The following PAPSS2 variants were observed in gnomAD, a reference collection of about 807,000 sequenced individuals.
PAPSS2 encodes the protein bifunctional 3'-phosphoadenosine 5'-phosphosulfate synthase 2.
A neutral mutation model predicts 66.5 loss-of-function variants in PAPSS2; 61 were observed. That is an observed-to-expected ratio of 0.92 (90% confidence interval 0.75 to 1.14). PAPSS2 has a LOEUF of 1.14. Ranked by LOEUF, PAPSS2 falls within the 50% of genes most tolerant of loss-of-function variation. The probability of loss-of-function intolerance (pLI) is 0.00; values close to 1 mark genes in which losing one functional copy is unlikely to be tolerated. For missense variants in PAPSS2, 708 were observed against 789.6 expected (o/e 0.90, Z 1.24); for synonymous variants, 289 against 287.5 (o/e 1.01, Z -0.05).
Position 87,706,106 on chromosome 10 carries a change from A to ATG in PAPSS2, c.28-3089_28-3088insGT, listed in dbSNP as rs1223497557. Among the ~76,000 whole-genome samples the ATG allele has an allele frequency of 1.2e-3, 103 of 85,272 alleles. 3 individuals carry two copies. In the Middle Eastern group the frequency reaches 0.021, roughly 17 times the overall value. 55.9% of individuals were successfully genotyped at this position (85,272 alleles called of 152,430 possible). ...ATGGTATATATATATATATATATAT[A>ATG]TATGTGTGTGTGTGTGTGTGTGTGT... On this transcript the variant is annotated intron_variant, in intron 1 of 12. Transcript: ENST00000456849.
intron 1 of PAPSS2, among the ~76,000 whole-genome samples, chr10:87,679,348 T>C (rs1316746285): frequency 6.6e-6 from 1 of 152,154 alleles, no homozygotes; most frequent in Non-Finnish European, 1.5e-5. Flanking sequence ...AAAGTTATAA[T>C]AAGTTCTATC....
At chr10:87,716,418 G>T (rs758787520) in intron 7 of PAPSS2, among the ~76,000 whole-genome samples, 3 of 152,176 alleles carry the variant, frequency 2.0e-5, no homozygotes, top group Non-Finnish European at 2.9e-5. Flanking sequence ...AAACCAATCT[G>T]GTCAAGCTCA....
chr10:87,717,612 G>C (rs1853547089), intron 7 of PAPSS2, among the ~76,000 whole-genome samples: 2 of 152,108 alleles, frequency 1.3e-5, no homozygotes, highest in Non-Finnish European at 2.9e-5. Flanking sequence ...ACCCAGGCTA[G>C]AGTGCAGTGG....
intron 8 of PAPSS2, among the ~76,000 whole-genome samples, chr10:87,722,008 A>T (rs959157151): frequency 1.3e-5 from 2 of 152,234 alleles, no homozygotes; most frequent in African/African-American, 2.4e-5. Context: ...CATTTGGCTG[A>T]CAAAAGTAAA....
chr10:87,702,985 C>G (rs998208712), intron 1 of PAPSS2, among the ~76,000 whole-genome samples: 14 of 152,124 alleles, frequency 9.2e-5, no homozygotes, highest in Non-Finnish European at 1.5e-4. Flanking sequence ...CACCTGAGTT[C>G]TAGGAGCCAC....
chr10:87,689,351 A>C (rs887591364), intron 1 of PAPSS2, among the ~76,000 whole-genome samples: 3 of 151,086 alleles, frequency 2.0e-5, no homozygotes, highest in East Asian at 1.9e-4. Context: ...AAAAAAAAAA[A>C]AAAACAAAAA....
At chr10:87,681,623 G>C (rs957631310) in intron 1 of PAPSS2, among the ~76,000 whole-genome samples, 9 of 152,128 alleles carry the variant, frequency 5.9e-5, no homozygotes, top group Admixed American at 3.9e-4. Context: ...TTACAGAGTT[G>C]TACAACCATG....
intron 8 of PAPSS2, among the ~76,000 whole-genome samples, chr10:87,724,219 A>T (rs961432960): frequency 1.3e-5 from 2 of 152,054 alleles, no homozygotes; most frequent in African/African-American, 2.4e-5. Context: ...AACCAACTAC[A>T]CATTAACTAT....
intron 1 of PAPSS2, among the ~76,000 whole-genome samples, chr10:87,687,854 A>G (rs7082797): frequency 0.17 from 25,734 of 152,088 alleles, 2,213 homozygotes; most frequent in East Asian, 0.22. Context: ...ATCAAGAGAG[A>G]AGAATACAAA....
At chr10:87,733,653 C>T (rs1853757935) in intron 9 of PAPSS2, among the ~76,000 whole-genome samples, 1 of 152,098 alleles carries the variant, frequency 6.6e-6, no homozygotes, top group South Asian at 2.1e-4. Context: ...CACAGATTCT[C>T]ATTTAATTGG....
chr10:87,699,928 G>A (rs1298298306), intron 1 of PAPSS2, among the ~76,000 whole-genome samples: 1 of 151,472 alleles, frequency 6.6e-6, no homozygotes, highest in Admixed American at 6.6e-5. Flanking sequence ...CTAGAATATA[G>A]AGAAGAGAAG....
intron 10 of PAPSS2, among the ~76,000 whole-genome samples, chr10:87,742,327 G>A (rs1853880049): frequency 6.6e-6 from 1 of 152,170 alleles, no homozygotes; most frequent in Non-Finnish European, 1.5e-5. Flanking sequence ...CTACTTCTGT[G>A]CATAGTGGCA....
At chr10:87,671,142 G>T (rs190955476) in intron 1 of PAPSS2, among the ~76,000 whole-genome samples, 75 of 152,254 alleles carry the variant, frequency 4.9e-4, no homozygotes, top group African/African-American at 1.6e-3. Flanking sequence ...CTAAGTGGCA[G>T]AGCTGGAACA....
intron 2 of PAPSS2, among the ~76,000 whole-genome samples, chr10:87,710,243 A>G (rs967961045): frequency 2.0e-5 from 3 of 152,154 alleles, no homozygotes; most frequent in African/African-American, 7.2e-5. Flanking sequence ...TTCTGTCCCA[A>G]CTGGCCTCAT....
rs1359320074 is a variant in PAPSS2, at chr10:87,746,166, C to A, written c.*196C>A. On this transcript the variant is annotated 3_prime_UTR_variant, in exon 13 of 13. Coordinates refer to ENST00000456849, the MANE Select transcript of PAPSS2 (RefSeq NM_001015880.2). Reference sequence around the variant, plus strand: ...ATACATACAAAGTCAAACTGAAGACCAAATCTTAGCAGGTAAAAGCAATAT... The same window carrying A: ...ATACATACAAAGTCAAACTGAAGACAAAATCTTAGCAGGTAAAAGCAATAT... 3 of 430,720 alleles carry A rather than the reference C, an allele frequency of 7.0e-6. No homozygotes were observed. Among genetic ancestry groups the A allele is most frequent in the African/African-American group, 4.1e-5 (2 of 49,056 alleles). The allele number at this position is 430,720 out of a possible 1,614,324, so 26.7% of individuals were successfully genotyped here.
At chr10:87,665,351 A>G (rs1852802303) in intron 1 of PAPSS2, among the ~76,000 whole-genome samples, 1 of 152,064 alleles carries the variant, frequency 6.6e-6, no homozygotes, top group Non-Finnish European at 1.5e-5. Context: ...AGCTGGAACT[A>G]CAGGTGCCTG....
chr10:87,703,879 T>C lies in PAPSS2; in HGVS notation c.28-5317T>C, dbSNP rs74828867. On this transcript the variant is annotated intron_variant, in intron 1 of 12. Coordinates refer to ENST00000456849, the MANE Select transcript of PAPSS2 (RefSeq NM_001015880.2). ...AGAGTTAGATGGGATGCCGAGGATG[T>C]CTGTGTGTTCTCTATGTACACACAG... 7 of 512,154 alleles carry C rather than the reference T, an allele frequency of 1.4e-5. No individual in the cohort carries two copies. The East Asian group carries it at 3.8e-4, about 28-fold the overall frequency. The allele number at this position is 512,154 out of a possible 1,614,324, so 31.7% of individuals were successfully genotyped here.
At chr10:87,677,497 T>A (rs984555370) in intron 1 of PAPSS2, among the ~76,000 whole-genome samples, 2 of 152,168 alleles carry the variant, frequency 1.3e-5, no homozygotes, top group African/African-American at 4.8e-5. Flanking sequence ...TACTTTTGGA[T>A]CAAAAATGAC....
chr10:87,706,914 A>T (rs1369583780), intron 1 of PAPSS2, among the ~76,000 whole-genome samples: 1 of 152,192 alleles, frequency 6.6e-6, no homozygotes, highest in Non-Finnish European at 1.5e-5. Flanking sequence ...CATCTACCGC[A>T]TTCTGGGACT....
Sources: gnomAD v4.1 joint callset for allele counts (sites outside exome capture counted in the v4.1 genomes callset) on GRCh38, gnomAD v4.1.1 for gene constraint, MANE v1.5 for transcripts, NCBI Gene and HGNC (gene_info 2026-07-23, HGNC 2026-07-21) for gene names.